The following NELL1 variants were observed in gnomAD, a reference collection of about 807,000 sequenced individuals.
NELL1 encodes protein kinase C-binding protein NELL1.
Under a neutral mutation model 107.4 loss-of-function variants are expected in NELL1, and 76 were observed. The ratio of observed to expected loss-of-function variants is 0.71; its 90% CI spans 0.59 to 0.86. The LOEUF (loss-of-function observed/expected upper bound fraction) is 0.86. Ranked by LOEUF, NELL1 falls within the 40% of genes least tolerant of loss-of-function variation. The pLI is 0.00. For missense variants in NELL1, 1,024 were observed against 1,005.5 expected (o/e 1.02, Z -0.25); for synonymous variants, 353 against 341.2 (o/e 1.03, Z -0.38).
intron 12 of NELL1, among the ~76,000 whole-genome samples, chr11:21,063,703 A>G (rs1853799696): frequency 6.6e-6 from 1 of 152,190 alleles, no homozygotes; most frequent in African/African-American, 2.4e-5. Flanking sequence ...AAGAGCAAAA[A>G]GACGAATTCA....
chr11:21,102,003 C>T (rs1854830208), intron 12 of NELL1, among the ~76,000 whole-genome samples: 1 of 152,130 alleles, frequency 6.6e-6, no homozygotes, highest in Non-Finnish European at 1.5e-5. Flanking sequence ...CAGGTGCTTG[C>T]CACTGTGACC....
chr11:21,297,639 A>T, intron 14 of NELL1, among the ~76,000 whole-genome samples: 1 of 152,180 alleles, frequency 6.6e-6, no homozygotes, highest in South Asian at 2.1e-4. Context: ...TCCATTGAAT[A>T]CTTGCTTTGA....
chr11:20,830,658 C>G lies in NELL1; in HGVS notation c.336-16925C>G, dbSNP rs186104577. On this transcript the variant is annotated intron_variant, in intron 3 of 19. Coordinates refer to ENST00000357134, the MANE Select transcript of NELL1 (RefSeq NM_006157.5). ...ACTCCTGAAATAGCTTTTGTAGACT[C>G]TTGGTGTAATAAAAAGAGGGGAACT... Among the ~76,000 whole-genome samples, 40 of 152,176 alleles carry G rather than the reference C, an allele frequency of 2.6e-4. No homozygotes were observed. In the East Asian group the frequency reaches 7.6e-3, roughly 29 times the overall value.
At chr11:21,248,515 C>T (rs571186002) in intron 14 of NELL1, among the ~76,000 whole-genome samples, 1 of 152,198 alleles carries the variant, frequency 6.6e-6, no homozygotes, top group South Asian at 2.1e-4. Flanking sequence ...AGATTAGTCT[C>T]AGCCTTCAAA....
At chr11:20,937,548 T>C (rs972020506) in intron 9 of NELL1, among the ~76,000 whole-genome samples, 1 of 152,256 alleles carries the variant, frequency 6.6e-6, no homozygotes, top group African/African-American at 2.4e-5. Context: ...AACTGTAACA[T>C]TGAAATAATT....
intron 15 of NELL1, among the ~76,000 whole-genome samples, chr11:21,407,418 AAAAC>A (rs977506702): frequency 1.3e-5 from 2 of 152,100 alleles, no homozygotes; most frequent in African/African-American, 4.8e-5. Context: ...CCTGTCTCAA[AAAAC>A]AAACAAACAA....
Position 20,897,171 on chromosome 11 carries a change from A to G in NELL1, c.603+11631A>G, listed in dbSNP as rs1022874693. On this transcript the variant is annotated intron_variant, in intron 5 of 19. Coordinates refer to ENST00000357134, the MANE Select transcript of NELL1 (RefSeq NM_006157.5). The stretch of plus-strand genomic sequence containing the variant: ...TACCTGACTTCAAACTATACTACAA[A>G]GCTACAGTAACCAAAACAGCATGGT... 2.3e-3 allele frequency among the ~76,000 whole-genome samples: 349 copies of G among 152,232 alleles called. 2 individuals carry two copies. The highest frequency in any genetic ancestry group is 6.2e-3 in the Admixed American group (94 of 15,284).
At chr11:21,183,110 C>T (rs1301332314) in intron 13 of NELL1, among the ~76,000 whole-genome samples, 1 of 151,552 alleles carries the variant, frequency 6.6e-6, no homozygotes, top group East Asian at 1.9e-4. Flanking sequence ...GACCTTAAAC[C>T]AAATTTCCAA....
At chr11:21,123,334 C>CGTGTGTGT (rs142012176) in intron 13 of NELL1, among the ~76,000 whole-genome samples, 35 of 132,482 alleles carry the variant, frequency 2.6e-4, no homozygotes, top group African/African-American at 8.7e-4. Context: ...TGTGTGCCTG[C>CGTGTGTGT]GTGTGTGTGT....
chr11:21,518,014 G>C (rs1295622011), intron 15 of NELL1, among the ~76,000 whole-genome samples: 1 of 151,634 alleles, frequency 6.6e-6, no homozygotes, highest in Non-Finnish European at 1.5e-5. Context: ...GTGCATCCAG[G>C]ATGCTATGGA....
chr11:21,111,847 C>T (rs965149348), intron 12 of NELL1, among the ~76,000 whole-genome samples: 3 of 152,026 alleles, frequency 2.0e-5, no homozygotes, highest in African/African-American at 7.2e-5. Flanking sequence ...GTCAAGCAGC[C>T]CTCTCTAATA....
chr11:20,837,626 G>A (rs1328143673), intron 3 of NELL1, among the ~76,000 whole-genome samples: 1 of 152,042 alleles, frequency 6.6e-6, no homozygotes, highest in Non-Finnish European at 1.5e-5. Flanking sequence ...GCATCTTGTA[G>A]TACTAGAAAG....
rs140358351 is a variant in NELL1, at chr11:21,038,494, T to TA, written c.1301-75093dup. Among the ~76,000 whole-genome samples the TA allele has an allele frequency of 6.1e-3, 931 of 152,250 alleles. 12 individuals carry two copies. The highest frequency in any genetic ancestry group is 0.02 in the African/African-American group (817 of 41,548). ...AACTTCTACTAGAAAGAGAAGTATA[T>TA]AACTATATTTGGACTGAGGTAAACA... On this transcript the variant is annotated intron_variant, in intron 12 of 19. Transcript: ENST00000357134.
intron 5 of NELL1, among the ~76,000 whole-genome samples, chr11:20,896,035 A>T (rs1456684119): frequency 2.0e-5 from 3 of 152,082 alleles, no homozygotes; most frequent in African/African-American, 7.2e-5. Flanking sequence ...TTTTTGTTAC[A>T]TAGATAAATT....
chr11:21,122,193 C>T (rs1431558871), intron 13 of NELL1, among the ~76,000 whole-genome samples: 1 of 152,164 alleles, frequency 6.6e-6, no homozygotes, highest in Non-Finnish European at 1.5e-5. Context: ...CTATTAAGTA[C>T]TGTGTTGCCC....
chr11:21,183,372 A>G (rs1474363407), intron 13 of NELL1, among the ~76,000 whole-genome samples: 1 of 151,914 alleles, frequency 6.6e-6, no homozygotes, highest in East Asian at 1.9e-4. Context: ...ATTTTCTTTT[A>G]AAATTACTTT....
intron 12 of NELL1, among the ~76,000 whole-genome samples, chr11:20,970,726 G>A (rs915128208): frequency 2.0e-5 from 3 of 152,122 alleles, no homozygotes; most frequent in Admixed American, 6.6e-5. Flanking sequence ...GGTAGGAGAT[G>A]AGAGTAAAGA....
At chr11:21,347,209 A>G (rs919186344) in intron 14 of NELL1, among the ~76,000 whole-genome samples, 1 of 152,144 alleles carries the variant, frequency 6.6e-6, no homozygotes, top group African/African-American at 2.4e-5. Context: ...AAGTGATGCT[A>G]TGAGCTATGT....
intron 2 of NELL1, among the ~76,000 whole-genome samples, chr11:20,765,782 G>A (rs888092297): frequency 1.3e-5 from 2 of 151,952 alleles, no homozygotes; most frequent in African/African-American, 4.8e-5. Flanking sequence ...TCATATTAAG[G>A]GGATTCAATT....
Sources: allele counts gnomAD v4.1 joint callset (sites outside exome capture counted in the v4.1 genomes callset), GRCh38; gene constraint gnomAD v4.1.1; transcripts MANE v1.5; gene names NCBI Gene and HGNC (gene_info 2026-07-23, HGNC 2026-07-21).